The following ADAM12 variants were observed in gnomAD, a reference collection of about 807,000 sequenced individuals.
The protein encoded by ADAM12 is ADAM metallopeptidase domain 12.
Under a neutral mutation model 106.4 loss-of-function variants are expected in ADAM12, and 70 were observed. The observed-to-expected ratio is 0.66, with a 90% CI of 0.54 to 0.80. The LOEUF (loss-of-function observed/expected upper bound fraction) is 0.80. ADAM12 is among the 30% of genes least tolerant of loss of function. The probability of loss-of-function intolerance (pLI) is 0.00; values close to 1 mark genes in which losing one functional copy is unlikely to be tolerated. For missense variants in ADAM12, 1,010 were observed against 1,171.9 expected (o/e 0.86, Z 2.02); for synonymous variants, 420 against 433.5 (o/e 0.97, Z 0.39).
chr10:126,041,865 C>G, intron 18 of ADAM12: 1 of 1,312,050 alleles, frequency 7.6e-7, no homozygotes. Flanking sequence ...GAGTGGTAAC[C>G]TGCTACTCTC....
At chr10:126,370,266 G>C (rs181647077) in intron 1 of ADAM12, among the ~76,000 whole-genome samples, 1 of 152,212 alleles carries the variant, frequency 6.6e-6, no homozygotes, top group African/African-American at 2.4e-5. Context: ...AGGTGTGATA[G>C]TAAGCCACTA....
At position 126,213,538 on chromosome 10, in the gene ADAM12, A is replaced by C. The variant is rs191513723; in HGVS notation, c.261-58233T>G. Reference sequence around the variant, plus strand: ...TATGCTAGAATTTGCCAACTTGTTGAAATAACTAAGCCACCCACTGAATAT... The same window carrying C: ...TATGCTAGAATTTGCCAACTTGTTGCAATAACTAAGCCACCCACTGAATAT... On this transcript the variant is annotated intron_variant, in intron 3 of 22. Transcript: ENST00000448723. Among the ~76,000 whole-genome samples, 7 of 152,344 alleles carry C rather than the reference A, an allele frequency of 4.6e-5. No individual in the cohort carries two copies. In the East Asian group the frequency reaches 1.2e-3, roughly 25 times the overall value.
At chr10:126,251,491 CGATGCGATG>C (rs930553817) in intron 3 of ADAM12, among the ~76,000 whole-genome samples, 32 of 6,270 alleles carry the variant, frequency 5.1e-3, no homozygotes, top group Middle Eastern at 0.036. Context: ...CAGATGGAAT[CGATGCGATG>C]GATGGGATGA....
intron 18 of ADAM12, chr10:126,041,199 C>A: frequency 2.9e-6 from 1 of 340,680 alleles, no homozygotes; most frequent in Non-Finnish European, 4.2e-6. Flanking sequence ...CTCTCCAGGA[C>A]CCAGGAGAGT....
intron 1 of ADAM12, among the ~76,000 whole-genome samples, chr10:126,381,238 G>C (rs189370742): frequency 1.3e-5 from 2 of 152,156 alleles, no homozygotes; most frequent in African/African-American, 2.4e-5. Flanking sequence ...TCTATATGTC[G>C]AGCATGGTAA....
intron 5 of ADAM12, among the ~76,000 whole-genome samples, chr10:126,121,332 ATATT>A (rs1452231416): frequency 8.3e-6 from 1 of 120,696 alleles, no homozygotes; most frequent in African/African-American, 3.2e-5. Context: ...TACATAATAT[ATATT>A]ATCTTACATG....
chr10:126,138,030 C>G (rs1434882619), intron 4 of ADAM12, among the ~76,000 whole-genome samples: 2 of 152,166 alleles, frequency 1.3e-5, no homozygotes, highest in Admixed American at 1.3e-4. Flanking sequence ...TACACGAGGG[C>G]TCTAATTTCC....
At chr10:126,042,922 T>C (rs1954213702) in intron 18 of ADAM12, 118 bp downstream of exon 18, 1 of 941,684 alleles carries the variant, frequency 1.1e-6, no homozygotes, top group African/African-American at 1.6e-5. Flanking sequence ...TGTAGACCCA[T>C]GTGGGGTCCC....
chr10:126,290,679 G>A (rs952312326), intron 2 of ADAM12, among the ~76,000 whole-genome samples: 37 of 152,168 alleles, frequency 2.4e-4, no homozygotes, highest in African/African-American at 8.4e-4. Context: ...GATCAAAATG[G>A]GCATAATAAA....
chr10:126,310,295 G>C (rs1305187077), intron 2 of ADAM12, among the ~76,000 whole-genome samples: 3 of 152,138 alleles, frequency 2.0e-5, no homozygotes, highest in East Asian at 1.9e-4. Flanking sequence ...GTGGAGAACA[G>C]GAGTGGGAAA....
chr10:126,232,165 A>G (rs529931277), intron 3 of ADAM12, among the ~76,000 whole-genome samples: 57 of 152,174 alleles, frequency 3.7e-4, no homozygotes, highest in Non-Finnish European at 2.2e-4. Flanking sequence ...TACATGAAGG[A>G]GCTGGAGATG....
chr10:126,350,644 G>A (rs944459203), intron 1 of ADAM12, among the ~76,000 whole-genome samples: 5 of 152,238 alleles, frequency 3.3e-5, no homozygotes, highest in South Asian at 4.1e-4. Flanking sequence ...GTCTTGTGTC[G>A]GATGTCTCCC....
At chr10:126,306,614 C>T in intron 2 of ADAM12, among the ~76,000 whole-genome samples, 1 of 152,124 alleles carries the variant, frequency 6.6e-6, no homozygotes, top group Non-Finnish European at 1.5e-5. Context: ...TTTATTTTTC[C>T]TCCATTTTTA....
chr10:126,084,884 C>T (rs1955306991), intron 11 of ADAM12, among the ~76,000 whole-genome samples: 1 of 152,204 alleles, frequency 6.6e-6, no homozygotes, highest in South Asian at 2.1e-4. Context: ...CCTGTGGGCC[C>T]TCTGGCCTTC....
chr10:126,071,986 C>T (rs80161826), intron 11 of ADAM12, among the ~76,000 whole-genome samples: 38 of 152,234 alleles, frequency 2.5e-4, no homozygotes, highest in South Asian at 6.2e-4. Flanking sequence ...AATGATGCTA[C>T]GAAAAGTGAA....
intron 3 of ADAM12, among the ~76,000 whole-genome samples, chr10:126,194,050 C>A (rs1957553323): frequency 6.6e-6 from 1 of 152,038 alleles, no homozygotes; most frequent in African/African-American, 2.4e-5. Context: ...CAGTGATGTT[C>A]TTCCTGGAAA....
At chr10:126,265,461 A>G (rs1959080073) in intron 3 of ADAM12, among the ~76,000 whole-genome samples, 1 of 152,202 alleles carries the variant, frequency 6.6e-6, no homozygotes, top group Non-Finnish European at 1.5e-5. Flanking sequence ...TTCTAATGGA[A>G]GCATCAGAGT....
intron 3 of ADAM12, among the ~76,000 whole-genome samples, chr10:126,165,825 G>A (rs989004979): frequency 1.1e-4 from 16 of 152,118 alleles, no homozygotes; most frequent in African/African-American, 3.6e-4. Context: ...ATTCAATTTT[G>A]TTACAAAATC....
At chr10:126,037,569 GT>G (rs1954083254) in intron 20 of ADAM12, among the ~76,000 whole-genome samples, 1 of 152,082 alleles carries the variant, frequency 6.6e-6, no homozygotes, top group African/African-American at 2.4e-5. Flanking sequence ...TTGGACTCTT[GT>G]TGACTAAGTT....
Sources: gnomAD v4.1 joint callset for allele counts (sites outside exome capture counted in the v4.1 genomes callset) on GRCh38, gnomAD v4.1.1 for gene constraint, MANE v1.5 for transcripts, NCBI Gene and HGNC (gene_info 2026-07-23, HGNC 2026-07-21) for gene names.